Variants in FBXL4 observed in about 807,000 individuals in gnomAD.
FBXL4 encodes the protein F-box/LRR-repeat protein 4.
FBXL4 carries 40 observed loss-of-function variants against 58.9 expected under a neutral mutation model. That is an observed-to-expected ratio of 0.68 (90% confidence interval 0.53 to 0.88). The LOEUF (loss-of-function observed/expected upper bound fraction) is 0.88. Among genes scored for constraint, FBXL4 ranks in the 40% least tolerant of loss-of-function variants. The probability of loss-of-function intolerance (pLI) is 0.00; values close to 1 mark genes in which losing one functional copy is unlikely to be tolerated. For missense variants in FBXL4, 676 were observed against 734.4 expected, an observed-to-expected ratio of 0.92 and a Z score of 0.92; for synonymous variants, 263 against 265.5, an observed-to-expected ratio of 0.99 and a Z score of 0.09.
chr6:98,913,053 A>G (rs1244030930), intron 5 of FBXL4, among the ~76,000 whole-genome samples: 2 of 152,114 alleles, frequency 1.3e-5, no homozygotes, highest in Non-Finnish European at 2.9e-5. Context: ...CAGACTTTAA[A>G]CCAACAAAGA....
At chr6:98,928,485 T>C (rs1772878659) in intron 2 of FBXL4, among the ~76,000 whole-genome samples, 1 of 152,080 alleles carries the variant, frequency 6.6e-6, no homozygotes, top group Non-Finnish European at 1.5e-5. Context: ...TACACCATCA[T>C]GCCCAGCTAA....
intron 1 of FBXL4, among the ~76,000 whole-genome samples, chr6:98,947,588 C>G (rs1773671836): frequency 6.6e-6 from 1 of 152,206 alleles, no homozygotes; most frequent in African/African-American, 2.4e-5. Flanking sequence ...CGAGGCACGT[C>G]AGCAGTTCTC....
rs987406124 is a variant in FBXL4, at chr6:98,897,066, G to C, written c.1317+2202C>G. ...TGCCTAGCAAGTTAATATTTTTTTG[G>C]TTTTTACCCTATTTTTCTTCTCAAA... On this transcript the variant is annotated intron_variant, in intron 7 of 9. Transcript: ENST00000369244. 4.1e-6 allele frequency: 4 copies of C among 983,570 alleles called. No individual in the cohort carries two copies. In the Admixed American group the frequency reaches 2.5e-4, roughly 61 times the overall value. 60.9% of individuals were successfully genotyped at this position (983,570 alleles called of 1,614,324 possible).
At chr6:98,923,650 T>C (rs1772667676) in intron 4 of FBXL4, among the ~76,000 whole-genome samples, 1 of 152,152 alleles carries the variant, frequency 6.6e-6, no homozygotes, top group Non-Finnish European at 1.5e-5. Context: ...CCAATACATG[T>C]TCCTCATGGT....
chr6:98,942,437 T>C (rs192550459), intron 1 of FBXL4, among the ~76,000 whole-genome samples: 1 of 152,186 alleles, frequency 6.6e-6, no homozygotes, highest in African/African-American at 2.4e-5. Context: ...GGTGATTGGA[T>C]CATGGGGGTG....
In FBXL4 at chr6:98,947,789, T is replaced by G; in HGVS notation, c.-309+17A>C. 1 of 150,646 alleles carries G rather than the reference T, an allele frequency of 6.6e-6. No individual in the cohort carries two copies. Among genetic ancestry groups the G allele is most frequent in the Non-Finnish European group, 1.5e-5 (1 of 67,748 alleles). 9.3% of individuals were successfully genotyped at this position (150,646 alleles called of 1,614,324 possible). ...GACAGAGACCCACGGGAGGGAGAAG[T>G]AAAGGAAGGGCCGTACCCTGCAGGG... On this transcript the variant is annotated intron_variant, in intron 1 of 9. Transcript: ENST00000369244.
rs1772311091 is a variant in FBXL4, at chr6:98,915,649, C to A, written c.858+1725G>T. On this transcript the variant is annotated intron_variant, in intron 5 of 9. Transcript: ENST00000369244. ...AAGCTGAAACTGGATCCCTTCCTTA[C>A]ACCTTATTCAAAAATTAATTCAAGA... is the stretch of plus-strand genomic sequence containing the variant. Among the ~76,000 whole-genome samples the A allele has an allele frequency of 3.3e-5, 5 of 152,130 alleles. No homozygotes were observed. In the South Asian group the frequency reaches 1.0e-3, roughly 32 times the overall value.
At chr6:98,908,690 A>G (rs371863307) in intron 5 of FBXL4, among the ~76,000 whole-genome samples, 5 of 152,190 alleles carry the variant, frequency 3.3e-5, no homozygotes, top group African/African-American at 9.6e-5. Context: ...AAGACAAAAA[A>G]GGAAGAAAAG....
Position 98,868,807 on chromosome 6 carries a change from C to G in FBXL4, c.*5471G>C, listed in dbSNP as rs1770420195. 1 of 152,026 alleles carries G rather than the reference C, an allele frequency of 6.6e-6. No individual in the cohort carries two copies. Among genetic ancestry groups the G allele is most frequent in the South Asian group, 2.1e-4 (1 of 4,822 alleles). 9.4% of individuals were successfully genotyped at this position (152,026 alleles called of 1,614,324 possible). On this transcript the variant is annotated 3_prime_UTR_variant, in exon 10 of 10. Transcript: ENST00000369244. ...TACCAAATACATAGATTAAAATATCCCTAAATGTCAATTTTAGCAGGACTA... is the reference window on the plus strand; with the variant it reads ...TACCAAATACATAGATTAAAATATCGCTAAATGTCAATTTTAGCAGGACTA...
chr6:98,884,060 T>A, intron 7 of FBXL4, among the ~76,000 whole-genome samples: 1 of 152,046 alleles, frequency 6.6e-6, no homozygotes, highest in Non-Finnish European at 1.5e-5. Flanking sequence ...ACAGAATTTG[T>A]CTTTTTGTTG....
chr6:98,921,254 C>A (rs941463693), intron 4 of FBXL4, among the ~76,000 whole-genome samples: 21 of 152,048 alleles, frequency 1.4e-4, no homozygotes, highest in African/African-American at 5.1e-4. Context: ...TTCTCCAGGG[C>A]AACCAGGAAG....
At chr6:98,924,306 C>CAA (rs1772690975) in intron 4 of FBXL4, among the ~76,000 whole-genome samples, 1 of 152,102 alleles carries the variant, frequency 6.6e-6, no homozygotes, top group East Asian at 1.9e-4. Flanking sequence ...TCTGTAATTC[C>CAA]AGCACTTTGG....
At chr6:98,901,943 T>A (rs1771628338) in intron 6 of FBXL4, among the ~76,000 whole-genome samples, 1 of 152,142 alleles carries the variant, frequency 6.6e-6, no homozygotes, top group Admixed American at 6.5e-5. Context: ...CTAAGTCAGA[T>A]AAACAATCCC....
intron 1 of FBXL4, among the ~76,000 whole-genome samples, chr6:98,938,912 G>A (rs1193409011): frequency 6.6e-6 from 1 of 151,714 alleles, no homozygotes; most frequent in African/African-American, 2.4e-5. Flanking sequence ...GGGAGACCCT[G>A]CCTCTACAAA....
chr6:98,929,570 T>C (rs1582443978), intron 2 of FBXL4, among the ~76,000 whole-genome samples: 1 of 77,354 alleles, frequency 1.3e-5, no homozygotes, highest in South Asian at 4.4e-4. Flanking sequence ...AAACTCCGTC[T>C]CAAAAAAAAA....
intron 1 of FBXL4, among the ~76,000 whole-genome samples, chr6:98,936,773 G>T (rs920231901): frequency 1.3e-5 from 2 of 152,172 alleles, no homozygotes; most frequent in African/African-American, 4.8e-5. Context: ...AGCTTATGGG[G>T]AGTAAAAAAT....
At chr6:98,898,594 G>A (rs2128388805) in intron 7 of FBXL4, 1 of 968,228 alleles carries the variant, frequency 1.0e-6, no homozygotes, top group African/African-American at 1.8e-5. Context: ...AACAGAGTGA[G>A]ACTCCGTCTC....
chr6:98,903,567 G>T, intron 6 of FBXL4, among the ~76,000 whole-genome samples: 1 of 152,114 alleles, frequency 6.6e-6, no homozygotes, highest in East Asian at 1.9e-4. Flanking sequence ...GGGTTAGAAA[G>T]TAGATAGAAA....
chr6:98,947,089 A>G (rs534187784), intron 1 of FBXL4, among the ~76,000 whole-genome samples: 1 of 152,368 alleles, frequency 6.6e-6, no homozygotes, highest in African/African-American at 2.4e-5. Context: ...CATCCTGCCA[A>G]CGCAACTACC....
Sources: gnomAD v4.1 joint callset for allele counts (sites outside exome capture counted in the v4.1 genomes callset) on GRCh38, gnomAD v4.1.1 for gene constraint, MANE v1.5 for transcripts, NCBI Gene and HGNC (gene_info 2026-07-23, HGNC 2026-07-21) for gene names.